The following PRPSAP1 variants were observed in gnomAD, a reference collection of about 807,000 sequenced individuals.
PRPSAP1 encodes phosphoribosyl pyrophosphate synthetase associated protein 1, also known as phosphoribosyl pyrophosphate synthase-associated protein 1.
In PRPSAP1, 31 loss-of-function variants were observed where a neutral mutation model predicts 39.4. The ratio of observed to expected loss-of-function variants is 0.79; its 90% confidence interval spans 0.59 to 1.06. PRPSAP1 has a LOEUF of 1.06. PRPSAP1 is among the 50% of genes least tolerant of loss of function. The pLI is 0.00. For synonymous variants in PRPSAP1, 212 were observed against 192.6 expected (o/e 1.10, Z -0.83); for missense variants, 430 against 511.6 (o/e 0.84, Z 1.54).
chr17:76,311,597 A>G lies in PRPSAP1; in HGVS notation c.1103T>C (p.Ile368Thr). ...SLILSEAIRR[I>T]HNGESMAYLF... ...GTAGGCCATGGACTCTCCATTGTGG[A>G]TTCTCCGAATGGCTTCAGAAAGAAT... The change falls in exon 10 of 10, where the codon ATC (isoleucine) becomes ACC (threonine). Residue 368 changes from isoleucine (I) to threonine (T), a missense_variant. Transcript: ENST00000446526. The G allele has an allele frequency of 6.2e-7, 1 of 1,614,182 alleles. No homozygotes were observed. The highest frequency in any genetic ancestry group is 8.5e-7 in the Non-Finnish European group (1 of 1,180,028).
intron 5 of PRPSAP1, 179 bp from the exon 6 acceptor site, chr17:76,330,277 CCTA>C: frequency 1.7e-6 from 1 of 599,652 alleles, no homozygotes; most frequent in Non-Finnish European, 2.9e-6. Flanking sequence ...AAAAAGCACT[CCTA>C]CGTCAAGAAT....
At chr17:76,336,672 T>G (rs1283621265) in intron 3 of PRPSAP1, among the ~76,000 whole-genome samples, 3 of 140,318 alleles carry the variant, frequency 2.1e-5, no homozygotes, top group Admixed American at 8.0e-5. Context: ...GTGGAGGTTG[T>G]GGTGAGCCGA....
intron 1 of PRPSAP1, 34 bp downstream of exon 1, chr17:76,353,500 C>T (rs774133987): frequency 1.4e-6 from 2 of 1,468,898 alleles, no homozygotes; most frequent in Non-Finnish European, 1.8e-6. Flanking sequence ...TAGGCGCCGC[C>T]GCCCCCGGCC....
chr17:76,323,467 G>A (rs947199911), intron 7 of PRPSAP1, among the ~76,000 whole-genome samples: 22 of 151,932 alleles, frequency 1.4e-4, no homozygotes, highest in African/African-American at 2.2e-4. Context: ...TGAAGAACAC[G>A]CGTGATTCAT....
intron 2 of PRPSAP1, among the ~76,000 whole-genome samples, chr17:76,347,346 G>A (rs113965500): frequency 2.7e-4 from 41 of 152,034 alleles, no homozygotes; most frequent in African/African-American, 9.6e-4. Flanking sequence ...AATTAGCCGG[G>A]TTTGGTGGCG....
In PRPSAP1 at chr17:76,311,573, T is replaced by G; in HGVS notation, c.1127A>C (p.Tyr376Ser). Residue 376 changes from tyrosine to serine, a missense_variant, in exon 10 of 10, where the codon TAC becomes TCC. Tyr to Ser is a moderately radical substitution (Grantham distance 144). Coordinates refer to ENST00000446526, the MANE Select transcript of PRPSAP1 (RefSeq NM_002766.3). ...ATCCACAGTGATGTTTCGGAAAAGG[T>G]AGGCCATGGACTCTCCATTGTGGAT... ...RRIHNGESMAYLFRNITVDD is the reference protein window; with the variant it reads ...RRIHNGESMASLFRNITVDD 6.2e-7 allele frequency: 1 copy of G among 1,613,842 alleles called. No individual in the cohort carries two copies. Among genetic ancestry groups the G allele is most frequent in the Non-Finnish European group, 8.5e-7 (1 of 1,179,904 alleles).
chr17:76,326,493 T>C (rs1313767343), intron 7 of PRPSAP1, among the ~76,000 whole-genome samples: 1 of 152,174 alleles, frequency 6.6e-6, no homozygotes, highest in Non-Finnish European at 1.5e-5. Flanking sequence ...GGACACATCA[T>C]GTGTTTCCTG....
chr17:76,322,978 G>A (rs906265176), intron 7 of PRPSAP1, among the ~76,000 whole-genome samples: 1 of 151,770 alleles, frequency 6.6e-6, no homozygotes, highest in Non-Finnish European at 1.5e-5. Flanking sequence ...CTGGGTGAGA[G>A]AGGGAGATCC....
chr17:76,329,366 G>C (rs1352244758), intron 6 of PRPSAP1, among the ~76,000 whole-genome samples: 1 of 152,118 alleles, frequency 6.6e-6, no homozygotes, highest in Non-Finnish European at 1.5e-5. Flanking sequence ...GCCTGGCCCT[G>C]ATTCTAGATA....
At chr17:76,340,477 A>G (rs1307224766) in intron 3 of PRPSAP1, among the ~76,000 whole-genome samples, 1 of 149,680 alleles carries the variant, frequency 6.7e-6, no homozygotes, top group African/African-American at 2.5e-5. Flanking sequence ...CACGTGTTAA[A>G]TACTTATATT....
chr17:76,343,553 C>T lies in PRPSAP1; in HGVS notation c.290+1118G>A, dbSNP rs1598539194. Reference sequence around the variant, plus strand: ...CCCTTTGTCCTTGAGGAGTTTAAAGCTTGGGGAGTGGTGGCTCACGCCTGA... The same window carrying T: ...CCCTTTGTCCTTGAGGAGTTTAAAGTTTGGGGAGTGGTGGCTCACGCCTGA... On this transcript the variant is annotated intron_variant, in intron 3 of 9. Coordinates refer to ENST00000446526, the MANE Select transcript of PRPSAP1 (RefSeq NM_002766.3). 5.9e-5 allele frequency among the ~76,000 whole-genome samples: 9 copies of T among 152,156 alleles called. No individual in the cohort carries two copies. In the South Asian group the frequency reaches 1.7e-3, roughly 28 times the overall value.
At chr17:76,328,377 G>A (rs550841349) in intron 7 of PRPSAP1, among the ~76,000 whole-genome samples, 1 of 152,288 alleles carries the variant, frequency 6.6e-6, no homozygotes, top group Non-Finnish European at 1.5e-5. Context: ...AGATCACCAG[G>A]TCTGGAGCAG....
Position 76,329,857 on chromosome 17 carries a change from A to G in PRPSAP1, c.635+186T>C, listed in dbSNP as rs189657621. 1.0e-3 allele frequency among the ~76,000 whole-genome samples: 155 copies of G among 152,288 alleles called. 1 individual carries two copies. The Middle Eastern group carries it at 0.01, about 10-fold the overall frequency. On this transcript the variant is annotated intron_variant, in intron 6 of 9. Transcript: ENST00000446526. ...AGGAAAGCTGAGCAACTCAGCGATC[A>G]TGTGTGCTGTCTGGAGGCTGGAGAT...
chr17:76,346,336 C>T lies in PRPSAP1; in HGVS notation c.224-1599G>A, dbSNP rs9913697. Among the ~76,000 whole-genome samples the T allele has an allele frequency of 3.1e-3, 468 of 152,254 alleles. 1 individual carries two copies. Among genetic ancestry groups the T allele is most frequent in the Middle Eastern group, 0.014 (4 of 294 alleles). On this transcript the variant is annotated intron_variant, in intron 2 of 9. Coordinates refer to ENST00000446526, the MANE Select transcript of PRPSAP1 (RefSeq NM_002766.3). The stretch of plus-strand genomic sequence containing the variant: ...CTTCTAGTTTTGAGAGACTTCCTCT[C>T]GGCTCCCAGGAAGAGGGGCTCCCTG...
At chr17:76,337,133 G>T (rs527973855) in intron 3 of PRPSAP1, among the ~76,000 whole-genome samples, 1 of 152,130 alleles carries the variant, frequency 6.6e-6, no homozygotes, top group East Asian at 1.9e-4. Context: ...TTGCCCAGCT[G>T]GTCTTGTACT....
Position 76,332,112 on chromosome 17 carries a change from C to T in PRPSAP1, c.463+151G>A. The T allele has an allele frequency of 4.6e-6, 4 of 861,846 alleles. 1 individual carries two copies. The highest frequency in any genetic ancestry group is 1.7e-5 in the African/African-American group (1 of 59,930). The allele number at this position is 861,846 out of a possible 1,614,324, so 53.4% of individuals were successfully genotyped here. The stretch of plus-strand genomic sequence containing the variant: ...GCGAATAAGGGAAAAAAAAGAATTT[C>T]TAACCGAGCTCACATATCCTTAGCC... On this transcript the variant is annotated intron_variant, in intron 4 of 9. Transcript: ENST00000446526.
chr17:76,320,334 A>AGGGG (rs2071179832), intron 7 of PRPSAP1, among the ~76,000 whole-genome samples: 1 of 109,778 alleles, frequency 9.1e-6, no homozygotes, highest in Non-Finnish European at 1.7e-5. Context: ...GAAGGGAGGG[A>AGGGG]GGGAGGGAGG....
In PRPSAP1 at chr17:76,330,597, T is replaced by C. The variant is rs1396573294; in HGVS notation, c.533A>G (p.Asp178Gly). Residue 178 changes from aspartate to glycine, a missense_variant, in exon 5 of 10, where the codon GAC becomes GGC. By Grantham distance (94) the Asp-to-Gly change is moderately conservative (BLOSUM62 -1). Coordinates refer to ENST00000446526, the MANE Select transcript of PRPSAP1 (RefSeq NM_002766.3). ...EIQGFFSFPVDNLRASPFLLQ... is the reference protein window; with the variant it reads ...EIQGFFSFPVGNLRASPFLLQ... ...CAGGAAAGGTGAGGCTCTAAGGTTG[T>C]CCACAGGAAAGCTGAAAAAGCCTTG... 2 of 1,613,198 alleles carry C rather than the reference T, an allele frequency of 1.2e-6. No homozygotes were observed. The highest frequency in any genetic ancestry group is 2.2e-5 in the East Asian group (1 of 44,870).
chr17:76,349,272 C>A (rs892866303), intron 1 of PRPSAP1, among the ~76,000 whole-genome samples: 6 of 151,270 alleles, frequency 4.0e-5, no homozygotes, highest in Admixed American at 6.6e-5. Flanking sequence ...CCATTGCACT[C>A]CCGCCTGGGT....
Sources: allele counts gnomAD v4.1 joint callset (sites outside exome capture counted in the v4.1 genomes callset), GRCh38; gene constraint gnomAD v4.1.1; transcripts MANE v1.5; gene names NCBI Gene and HGNC (gene_info 2026-07-23, HGNC 2026-07-21).